NELL1: variants seen among roughly 807,000 people sequenced by gnomAD.
NELL1 encodes neural EGFL like 1.
Under a neutral mutation model 107.4 loss-of-function variants are expected in NELL1, and 76 were observed. The observed-to-expected ratio is 0.71, with a 90% CI of 0.59 to 0.86. The LOEUF is 0.86. Ranked by LOEUF, NELL1 falls within the 40% of genes least tolerant of loss-of-function variation. The pLI, the probability that NELL1 is intolerant of heterozygous loss-of-function variation, is 0.00. For missense variants in NELL1, 1,024 were observed against 1,005.5 expected, an observed-to-expected ratio of 1.02 and a Z score of -0.25; for synonymous variants, 353 against 341.2, an observed-to-expected ratio of 1.03 and a Z score of -0.38.
chr11:21,295,689 G>A (rs1031700327), intron 14 of NELL1, among the ~76,000 whole-genome samples: 5 of 152,096 alleles, frequency 3.3e-5, no homozygotes, highest in Middle Eastern at 3.4e-3. Context: ...TTGAAGGGAG[G>A]CACTTGGTCC....
chr11:21,224,393 A>ATTT lies in NELL1; in HGVS notation c.1427-4927_1427-4925dup, dbSNP rs36044630. Among the ~76,000 whole-genome samples the ATTT allele has an allele frequency of 9.0e-3, 1,293 of 144,162 alleles. 32 individuals are homozygous for ATTT. Among genetic ancestry groups the ATTT allele is most frequent in the African/African-American group, 0.031 (1,220 of 39,174 alleles). The allele number at this position is 144,162 out of a possible 152,430, so 94.6% of individuals were successfully genotyped here. A position where few individuals can be genotyped will look rare whatever the true frequency, so the allele number is the denominator to read the frequency against. On this transcript the variant is annotated intron_variant, in intron 13 of 19. Coordinates refer to ENST00000357134, the MANE Select transcript of NELL1 (RefSeq NM_006157.5). ...CACAGTTGTATGCCACCATACCCAG[A>ATTT]TTTTTTTTTTTTTTGGTAGATATGG...
intron 14 of NELL1, among the ~76,000 whole-genome samples, chr11:21,296,834 AT>A (rs1849385932): frequency 6.6e-6 from 1 of 151,642 alleles, no homozygotes; most frequent in South Asian, 2.1e-4. Flanking sequence ...ATTATTTAAT[AT>A]TTTTATAGTA....
At chr11:21,422,730 A>G (rs548028004) in intron 15 of NELL1, among the ~76,000 whole-genome samples, 1 of 152,284 alleles carries the variant, frequency 6.6e-6, no homozygotes, top group East Asian at 1.9e-4. Context: ...TAAACTACAA[A>G]AAGAGTAACT....
intron 2 of NELL1, among the ~76,000 whole-genome samples, chr11:20,746,741 T>A (rs1856013137): frequency 6.6e-6 from 1 of 152,200 alleles, no homozygotes; most frequent in Admixed American, 6.5e-5. Flanking sequence ...CTCAGTACAC[T>A]CACCAGTTTT....
chr11:20,755,858 A>T (rs1474836436), intron 2 of NELL1, among the ~76,000 whole-genome samples: 3 of 134,546 alleles, frequency 2.2e-5, no homozygotes, highest in Non-Finnish European at 4.7e-5. Flanking sequence ...GCCCAGCCAG[A>T]CCTGCGGTTT....
intron 12 of NELL1, among the ~76,000 whole-genome samples, chr11:21,044,677 G>C (rs1339324364): frequency 6.6e-6 from 1 of 152,124 alleles, no homozygotes; most frequent in Non-Finnish European, 1.5e-5. Flanking sequence ...CCACTGATAG[G>C]GGAATGGACA....
At chr11:21,536,211 A>T (rs770756567) in intron 16 of NELL1, among the ~76,000 whole-genome samples, 49 of 152,162 alleles carry the variant, frequency 3.2e-4, no homozygotes, top group Non-Finnish European at 5.7e-4. Context: ...TCACCAAGGT[A>T]GTGAGCATAG....
rs188862121 is a variant in NELL1, at chr11:20,819,986, T to C, written c.336-27597T>C. 3.1e-3 allele frequency among the ~76,000 whole-genome samples: 475 copies of C among 152,290 alleles called. 2 individuals are homozygous for C. The highest frequency in any genetic ancestry group is 3.9e-3 in the Non-Finnish European group (268 of 68,024). ...AGACTTCAGGAGGATCTTTAGTAAG[T>C]CTTACTGGAGAGTGAGATAAGGTTC... On this transcript the variant is annotated intron_variant, in intron 3 of 19. Transcript: ENST00000357134.
intron 3 of NELL1, among the ~76,000 whole-genome samples, chr11:20,822,986 G>A (rs751113864): frequency 4.6e-5 from 7 of 152,208 alleles, no homozygotes; most frequent in African/African-American, 7.2e-5. Flanking sequence ...TTGGAAAGCT[G>A]AAGAGAACAG....
chr11:21,366,318 AAAG>A (rs1366316535), intron 14 of NELL1, among the ~76,000 whole-genome samples: 2 of 152,110 alleles, frequency 1.3e-5, no homozygotes, highest in Non-Finnish European at 2.9e-5. Flanking sequence ...CATTCTCAAG[AAAG>A]AAGAATGGCA....
chr11:21,169,915 CT>C, intron 13 of NELL1: 6 of 1,466,146 alleles, frequency 4.1e-6, no homozygotes, highest in Non-Finnish European at 4.8e-6. Flanking sequence ...CCACCGATGC[CT>C]TTTATGGCAG....
chr11:20,938,908 GTCTCTCTCTCTCTCTCTC>G (rs71443766), intron 10 of NELL1, among the ~76,000 whole-genome samples: 6 of 144,540 alleles, frequency 4.2e-5, no homozygotes, highest in South Asian at 2.3e-4. Flanking sequence ...TTCTCTCTCT[GTCTCTCTCTCTCTCTCTC>G]TCTCTCTCTC....
intron 3 of NELL1, among the ~76,000 whole-genome samples, chr11:20,808,966 A>G (rs1457426543): frequency 1.3e-5 from 2 of 152,158 alleles, no homozygotes; most frequent in East Asian, 3.8e-4. Flanking sequence ...GTGATTGGTC[A>G]CCTGATTTTG....
intron 15 of NELL1, among the ~76,000 whole-genome samples, chr11:21,501,281 C>A (rs1247925090): frequency 1.3e-5 from 2 of 151,940 alleles, no homozygotes; most frequent in East Asian, 3.9e-4. Context: ...GTTCTCTTAC[C>A]CTATCCTTTT....
At chr11:21,491,258 A>G (rs767974955) in intron 15 of NELL1, among the ~76,000 whole-genome samples, 1 of 152,200 alleles carries the variant, frequency 6.6e-6, no homozygotes. Flanking sequence ...TGTTTTAGAC[A>G]TGAAGTCCTT....
intron 2 of NELL1, among the ~76,000 whole-genome samples, chr11:20,706,699 A>G (rs942322579): frequency 1.3e-5 from 2 of 152,226 alleles, no homozygotes; most frequent in Admixed American, 6.5e-5. Context: ...AATGTTGAAT[A>G]TTGGCCCCCA....
intron 5 of NELL1, among the ~76,000 whole-genome samples, chr11:20,904,582 A>C (rs1849952194): frequency 6.6e-6 from 1 of 152,158 alleles, no homozygotes. Flanking sequence ...TGTGTGTTCA[A>C]GGAATTTAGA....
At chr11:21,450,942 G>A (rs1853562744) in intron 15 of NELL1, among the ~76,000 whole-genome samples, 1 of 152,020 alleles carries the variant, frequency 6.6e-6, no homozygotes, top group African/African-American at 2.4e-5. Flanking sequence ...TGTAATCCCA[G>A]CACTTTGGGA....
At chr11:21,112,596 G>T (rs775466560) in intron 12 of NELL1, among the ~76,000 whole-genome samples, 1 of 151,936 alleles carries the variant, frequency 6.6e-6, no homozygotes, top group African/African-American at 2.4e-5. Context: ...ACTATAAAAC[G>T]GGAGTAGTGT....
Sources: gnomAD v4.1 joint callset for allele counts (sites outside exome capture counted in the v4.1 genomes callset) on GRCh38, gnomAD v4.1.1 for gene constraint, MANE v1.5 for transcripts, NCBI Gene and HGNC (gene_info 2026-07-23, HGNC 2026-07-21) for gene names.